Variants in FGF3 observed in about 807,000 individuals in gnomAD.
FGF3 encodes the protein fibroblast growth factor 3.
In FGF3, 7 loss-of-function variants were observed where a neutral mutation model predicts 9.8. The observed-to-expected ratio is 0.72, with a 90% CI of 0.41 to 1.35. The LOEUF is 1.35. FGF3 is among the 40% of genes most tolerant of loss of function. The probability of loss-of-function intolerance (pLI) is 0.01; values close to 1 mark genes in which losing one functional copy is unlikely to be tolerated. For missense variants in FGF3, 390 were observed against 345.6 expected (o/e 1.13, Z -1.02); for synonymous variants, 173 against 157.2 (o/e 1.10, Z -0.75).
At chr11:69,813,938 T>TG (rs1565115194) in intron 2 of FGF3, among the ~76,000 whole-genome samples, 5 of 29,534 alleles carry the variant, frequency 1.7e-4, no homozygotes, top group Non-Finnish European at 3.9e-4. Context: ...GTGGATGGGT[T>TG]GATGGGTGGA....
chr11:69,819,008 A>T lies in FGF3; in HGVS notation c.-75T>A, dbSNP rs1433986773. 114 of 1,025,366 alleles carry T rather than the reference A, an allele frequency of 1.1e-4. 1 individual carries two copies. In the South Asian group the frequency reaches 1.7e-3, roughly 16 times the overall value. The allele number at this position is 1,025,366 out of a possible 1,614,324, so 63.5% of individuals were successfully genotyped here. A position where few individuals can be genotyped will look rare whatever the true frequency, so the allele number is the denominator to read the frequency against. ...CGCCCATGGAAGGGGCGGCAGCCGG[A>T]CAGCTGCGAGGTGCTCGGAGCGGGA... On this transcript the variant is annotated 5_prime_UTR_variant, in exon 1 of 3. Coordinates refer to ENST00000334134, the MANE Select transcript of FGF3 (RefSeq NM_005247.4).
chr11:69,811,450 CAAAAAAA>C (rs33951596), intron 2 of FGF3, among the ~76,000 whole-genome samples: 1 of 97,364 alleles, frequency 1.0e-5, no homozygotes, highest in Non-Finnish European at 2.1e-5. Context: ...AACTCTGACT[CAAAAAAA>C]AAAAAAAAAA....
intron 2 of FGF3, among the ~76,000 whole-genome samples, chr11:69,812,008 C>A (rs1183663793): frequency 6.6e-6 from 1 of 152,194 alleles, no homozygotes; most frequent in Non-Finnish European, 1.5e-5. Context: ...ATGCCTTATG[C>A]AGACCCACTA....
chr11:69,810,719 A>C lies in FGF3; in HGVS notation c.325-19T>G. ...AGTGCTCCTGCGGGGATGAGATATC[A>C]TGGTCAGTGCCCCGGGGAGACTGTG... On this transcript the variant is annotated intron_variant, in intron 2 of 2. Coordinates refer to ENST00000334134, the MANE Select transcript of FGF3 (RefSeq NM_005247.4). The C allele has an allele frequency of 6.4e-7, 1 of 1,560,902 alleles. No homozygotes were observed. The highest frequency in any genetic ancestry group is 1.2e-5 in the South Asian group (1 of 83,440).
Position 69,818,747 on chromosome 11 carries a change from G to T in FGF3, c.187C>A (p.Arg63Ser). 2.0e-6 allele frequency: 3 copies of T among 1,494,568 alleles called. No individual in the cohort carries two copies. The highest frequency in any genetic ancestry group is 2.7e-6 in the Non-Finnish European group (3 of 1,128,672). The allele number at this position is 1,494,568 out of a possible 1,614,324, so 92.6% of individuals were successfully genotyped here. A position where few individuals can be genotyped will look rare whatever the true frequency, so the allele number is the denominator to read the frequency against. Residue 63 changes from arginine to serine, a missense_variant, in exon 1 of 3, where the codon CGC (arginine) becomes AGC (serine). Coordinates refer to ENST00000334134, the MANE Select transcript of FGF3 (RefSeq NM_005247.4). ...CTGTTCTCCAGGCTGCCGTTGACGCGGCCGCTCGGGTGCAGCTGGAGGTGG... is the reference window on the plus strand; with the variant it reads ...CTGTTCTCCAGGCTGCCGTTGACGCTGCCGCTCGGGTGCAGCTGGAGGTGG... ...KYHLQLHPSGRVNGSLENSAY... is the reference protein window; with the variant it reads ...KYHLQLHPSGSVNGSLENSAY...
Position 69,818,966 on chromosome 11 carries a change from G to A in FGF3, c.-33C>T, listed in dbSNP as rs1856192696. The A allele has an allele frequency of 2.8e-6, 4 of 1,406,224 alleles. No individual in the cohort carries two copies. The highest frequency in any genetic ancestry group is 1.5e-5 in the African/African-American group (1 of 66,404). 87.1% of individuals were successfully genotyped at this position (1,406,224 alleles called of 1,614,324 possible). The stretch of plus-strand genomic sequence containing the variant: ...TCGCGCCCGCCCCGCGGCGGCGGCG[G>A]CTGCAGGCGAGCGCGGCGCCCATGG... On this transcript the variant is annotated 5_prime_UTR_variant, in exon 1 of 3. Transcript: ENST00000334134.
rs1335560620 is a variant in FGF3 at position 69,810,535 on chromosome 11, G to A, written c.490C>T (p.Arg164Cys). 8 of 1,611,988 alleles carry A rather than the reference G, an allele frequency of 5.0e-6. No individual in the cohort carries two copies. Among genetic ancestry groups the A allele is most frequent in the Admixed American group, 1.7e-5 (1 of 59,904 alleles). Residue 164 changes from arginine (R) to cysteine (C), a missense_variant, in exon 3 of 3, where the codon CGC becomes TGC. By Grantham distance (180) the Arg-to-Cys change is radical. Coordinates refer to ENST00000334134, the MANE Select transcript of FGF3 (RefSeq NM_005247.4). ...YVSVNGKGRP[R>C]RGFKTRRTQK... ...GTGCGGCGGGTCTTGAAGCCCCTGC[G>A]GGGCCGGCCCTTGCCGTTCACAGAC...
chr11:69,810,595 G>A lies in FGF3; in HGVS notation c.430C>T (p.Arg144Cys), dbSNP rs1242191483. The A allele has an allele frequency of 1.7e-5, 28 of 1,611,338 alleles. No homozygotes were observed. Among genetic ancestry groups the A allele is most frequent in the African/African-American group, 1.2e-4 (9 of 75,026 alleles). ...YRTVSSTPGA[R>C]RQPSAERLWY... ...AGTCTCTCGGCGCTGGGCTGCCGGC[G>A]GGCCCCAGGCGTACTAGACACCGTC... is the stretch of plus-strand genomic sequence containing the variant. The change falls in exon 3 of 3, where the codon CGC (arginine) becomes TGC (cysteine). Residue 144 changes from arginine (R) to cysteine (C), a missense_variant. Physicochemically the swap from Arg to Cys is radical, Grantham distance 180. Coordinates refer to ENST00000334134, the MANE Select transcript of FGF3 (RefSeq NM_005247.4).
chr11:69,816,631 A>G (rs1565116196), intron 1 of FGF3, among the ~76,000 whole-genome samples: 1 of 152,208 alleles, frequency 6.6e-6, no homozygotes. Flanking sequence ...GCTTCTCTTC[A>G]TTCAAACTTG....
At chr11:69,813,733 T>C (rs1196777643) in intron 2 of FGF3, among the ~76,000 whole-genome samples, 1 of 138,512 alleles carries the variant, frequency 7.2e-6, no homozygotes, top group African/African-American at 2.7e-5. Context: ...GATGGATGGA[T>C]GGGTGGATGG....
At position 69,818,807 on chromosome 11, in the gene FGF3, G is replaced by T; in HGVS notation, c.127C>A (p.Pro43Thr). The change falls in exon 1 of 3, where the codon CCC becomes ACC. Residue 43 changes from proline (P) to threonine (T), a missense_variant. By Grantham distance (38) the Pro-to-Thr change is conservative. Coordinates refer to ENST00000334134, the MANE Select transcript of FGF3 (RefSeq NM_005247.4). Reference sequence around the variant, plus strand: ...GCGCAGTAGAGCTTGCGGCGCCGGGGCGCCCCGCCAAGGTGCTCGTAGACG... The same window carrying T: ...GCGCAGTAGAGCTTGCGGCGCCGGGTCGCCCCGCCAAGGTGCTCGTAGACG... ...GGVYEHLGGA[P>T]RRRKLYCATK... 6.7e-7 allele frequency: 1 copy of T among 1,491,426 alleles called. No homozygotes were observed. Among genetic ancestry groups the T allele is most frequent in the South Asian group, 1.3e-5 (1 of 79,722 alleles). The allele number at this position is 1,491,426 out of a possible 1,614,324, so 92.4% of individuals were successfully genotyped here. A position where few individuals can be genotyped will look rare whatever the true frequency, so the allele number is the denominator to read the frequency against.
intron 2 of FGF3, among the ~76,000 whole-genome samples, chr11:69,811,328 C>A (rs1338408079): frequency 6.6e-6 from 1 of 151,428 alleles, no homozygotes; most frequent in Non-Finnish European, 1.5e-5. Flanking sequence ...CGTGCGCCCA[C>A]AATCCCAGCT....
chr11:69,813,132 G>T (rs2119914626), intron 2 of FGF3, among the ~76,000 whole-genome samples: 1 of 152,324 alleles, frequency 6.6e-6, no homozygotes, highest in African/African-American at 2.4e-5. Flanking sequence ...ATGAAGGGTG[G>T]GGAGGAAGCC....
chr11:69,812,714 G>A lies in FGF3; in HGVS notation c.325-2014C>T, dbSNP rs1374246842. ...TAGTGTCTGGCTCCCATGGCAGACT[G>A]TGAGAAGCTCAGGGCAGGACCCAAG... On this transcript the variant is annotated intron_variant, in intron 2 of 2. Transcript: ENST00000334134. Among the ~76,000 whole-genome samples the A allele has an allele frequency of 2.6e-4, 39 of 152,186 alleles. 2 individuals carry two copies. Among genetic ancestry groups the A allele is most frequent in the Admixed American group, 2.3e-3 (35 of 15,290 alleles).
At chr11:69,813,856 G>T (rs1442363823) in intron 2 of FGF3, among the ~76,000 whole-genome samples, 1 of 106,330 alleles carries the variant, frequency 9.4e-6, no homozygotes, top group Non-Finnish European at 2.1e-5. Flanking sequence ...GGATGGATGG[G>T]TGGATGGATG....
At chr11:69,813,938 T>G (rs111211110) in intron 2 of FGF3, among the ~76,000 whole-genome samples, 1,176 of 29,006 alleles carry the variant, frequency 0.041, 79 homozygotes, top group African/African-American at 0.053. Context: ...GTGGATGGGT[T>G]GATGGGTGGA....
intron 2 of FGF3, among the ~76,000 whole-genome samples, chr11:69,812,542 G>A (rs1348987613): frequency 6.6e-6 from 1 of 152,100 alleles, no homozygotes; most frequent in Non-Finnish European, 1.5e-5. Flanking sequence ...GAGGCCCAGG[G>A]GTGGTGCCAG....
Position 69,810,639 on chromosome 11 carries a change from T to C in FGF3, c.386A>G (p.Tyr129Cys), listed in dbSNP as rs781892148. The stretch of plus-strand genomic sequence containing the variant: ...CACCGTCCGGTACAGCCGGGAGGCA[T>C]ACGTATTATAGCCCAGCTCGTGGAT... The part of the protein sequence containing the change: ...ERIHELGYNT[Y>C]ASRLYRTVSS... Residue 129 changes from tyrosine to cysteine, a missense_variant, in exon 3 of 3, where the codon TAT becomes TGT. Transcript: ENST00000334134. 4 of 1,600,498 alleles carry C rather than the reference T, an allele frequency of 2.5e-6. No individual in the cohort carries two copies. In the Admixed American group the frequency reaches 6.8e-5, roughly 27 times the overall value.
rs35983315 is a variant in FGF3 at position 69,810,513 on chromosome 11, C to T, written c.512G>A (p.Arg171His). The T allele has an allele frequency of 6.8e-5, 110 of 1,609,168 alleles. No individual in the cohort carries two copies. The African/African-American group carries it at 1.3e-3, about 19-fold the overall frequency. Residue 171 changes from arginine to histidine, a missense_variant, in exon 3 of 3, where the codon CGC becomes CAC. By Grantham distance (29) the Arg-to-His change is conservative. Transcript: ENST00000334134. ...CAGGAACAGGGAGGACTTCTGTGTG[C>T]GGCGGGTCTTGAAGCCCCTGCGGGG... is the stretch of plus-strand genomic sequence containing the variant. ...GRPRRGFKTR[R>H]TQKSSLFLPR...
Sources: gnomAD v4.1 joint callset for allele counts (sites outside exome capture counted in the v4.1 genomes callset) on GRCh38, gnomAD v4.1.1 for gene constraint, MANE v1.5 for transcripts, NCBI Gene and HGNC (gene_info 2026-07-23, HGNC 2026-07-21) for gene names.